ADGRA1: variants seen among roughly 807,000 people sequenced by gnomAD.
ADGRA1 encodes G-protein coupled receptor 123.
ADGRA1 carries 12 observed loss-of-function variants against 21.3 expected under a neutral mutation model. The observed-to-expected ratio is 0.56, with a 90% CI of 0.36 to 0.91. The LOEUF is 0.91. Among genes scored for constraint, ADGRA1 ranks in the 40% least tolerant of loss-of-function variants. ADGRA1 has a pLI of 0.01. For missense variants in ADGRA1, 790 were observed against 805.6 expected (o/e 0.98, Z 0.23); for synonymous variants, 385 against 368.8 (o/e 1.04, Z -0.50).
intron 5 of ADGRA1, among the ~76,000 whole-genome samples, chr10:133,112,373 T>TGTCGGTTATTTGGGGTCTACGGGTAC (rs1564850022): frequency 9.1e-5 from 11 of 121,296 alleles, no homozygotes; most frequent in African/African-American, 3.3e-4. Context: ...CTGCGGGCCG[T>TGTCGGTTATTTGGGGTCTACGGGTAC]GTCGGTTATT....
intron 5 of ADGRA1, among the ~76,000 whole-genome samples, chr10:133,113,051 T>G (rs1379670068): frequency 1.4e-5 from 2 of 138,360 alleles, no homozygotes; most frequent in Non-Finnish European, 3.2e-5. Flanking sequence ...TTGGGGTCTA[T>G]AAGCTGTGTC....
intron 5 of ADGRA1, among the ~76,000 whole-genome samples, chr10:133,123,319 G>A (rs924005316): frequency 6.6e-6 from 1 of 152,214 alleles, no homozygotes; most frequent in Non-Finnish European, 1.5e-5. Context: ...TCACTGACGG[G>A]CAGGAGCCTG....
At chr10:133,090,197 C>T (rs777893038) in intron 2 of ADGRA1, among the ~76,000 whole-genome samples, 2 of 152,248 alleles carry the variant, frequency 1.3e-5, no homozygotes, top group East Asian at 1.9e-4. Flanking sequence ...GGCCCTTCTG[C>T]GAACAACTGT....
chr10:133,129,213 G>T lies in ADGRA1; in HGVS notation c.1385G>T (p.Gly462Val). 6.5e-7 allele frequency: 1 copy of T among 1,549,920 alleles called. No homozygotes were observed. The change falls in exon 7 of 7, where the codon GGC (glycine) becomes GTC (valine). Residue 462 changes from glycine to valine, a missense_variant. Physicochemically the swap from Gly to Val is moderately radical, Grantham distance 109. Around this residue, in one of 3 missense-constraint regions of ADGRA1, gnomAD observed 391 missense variants for 351.5 expected, o/e 1.11. Coordinates refer to ENST00000392607, the MANE Select transcript of ADGRA1 (RefSeq NM_001083909.3). ...GACAGCCCCCCCAGCTCTCTGGATG[G>T]CCCGGCGGGGACACACACGCTGGCC... ...RTDSPPSSLD[G>V]PAGTHTLACC...
intron 5 of ADGRA1, among the ~76,000 whole-genome samples, chr10:133,109,112 C>T (rs1851943153): frequency 6.6e-6 from 1 of 151,942 alleles, no homozygotes; most frequent in Admixed American, 6.6e-5. Context: ...TCCATGGAAC[C>T]AGCTCCACCC....
intron 5 of ADGRA1, among the ~76,000 whole-genome samples, chr10:133,113,504 C>CTT (rs1257733348): frequency 6.6e-6 from 1 of 152,222 alleles, no homozygotes; most frequent in African/African-American, 2.4e-5. Context: ...CTGCCTTGGG[C>CTT]TTGGGACCTG....
Position 133,129,391 on chromosome 10 carries a change from C to T in ADGRA1, c.1563C>T (p.Pro521=). The change falls in exon 7 of 7, where the codon CCC becomes CCT. Residue 521 remains proline, a synonymous_variant. Coordinates refer to ENST00000392607, the MANE Select transcript of ADGRA1 (RefSeq NM_001083909.3). ...LEMLRRTQSL[P]FGGPSQNGLP... is the part of the protein sequence containing the mutation. ...TGCTGCGGAGGACACAGTCCCTGCC[C>T]TTTGGTGGCCCCAGCCAGAACGGGC... 1 of 1,605,786 alleles carries T rather than the reference C, an allele frequency of 6.2e-7. No individual in the cohort carries two copies. The highest frequency in any genetic ancestry group is 8.5e-7 in the Non-Finnish European group (1 of 1,178,702).
chr10:133,102,167 TG>T, intron 4 of ADGRA1: 1 of 452,026 alleles, frequency 2.2e-6, no homozygotes, highest in South Asian at 1.6e-5. Context: ...GCCGGCCCCG[TG>T]GGGGGCTCAT....
intron 5 of ADGRA1, among the ~76,000 whole-genome samples, chr10:133,103,748 G>T (rs180916938): frequency 6.6e-6 from 1 of 152,204 alleles, no homozygotes; most frequent in African/African-American, 2.4e-5. Flanking sequence ...GTCTGGCCGC[G>T]GCCGTGACCA....
chr10:133,114,950 C>T (rs1852129159), intron 5 of ADGRA1, among the ~76,000 whole-genome samples: 1 of 152,224 alleles, frequency 6.6e-6, no homozygotes, highest in Non-Finnish European at 1.5e-5. Flanking sequence ...ACCTGGAATC[C>T]ACCGTCTTTC....
At position 133,129,186 on chromosome 10, in the gene ADGRA1, C is replaced by G; in HGVS notation, c.1358C>G (p.Thr453Arg). ...SLDGSPRSSRTDSPPSSLDGP... is the reference protein window; with the variant it reads ...SLDGSPRSSRRDSPPSSLDGP... The stretch of plus-strand genomic sequence containing the variant: ...GATGGCAGCCCCCGCAGCTCGCGCA[C>G]AGACAGCCCCCCCAGCTCTCTGGAT... The change falls in exon 7 of 7, where the codon ACA (threonine) becomes AGA (arginine). Residue 453 changes from threonine to arginine, a missense_variant. Physicochemically the swap from Thr to Arg is moderately conservative, Grantham distance 71. Around this residue, in one of 3 missense-constraint regions of ADGRA1, gnomAD observed 391 missense variants for 351.5 expected, o/e 1.11. Transcript: ENST00000392607. 6.4e-7 allele frequency: 1 copy of G among 1,550,656 alleles called. No individual in the cohort carries two copies. The highest frequency in any genetic ancestry group is 8.7e-7 in the Non-Finnish European group (1 of 1,147,122).
At position 133,128,700 on chromosome 10, in the gene ADGRA1, A is replaced by T; in HGVS notation, c.872A>T (p.Tyr291Phe). Reference sequence around the variant, plus strand: ...CTGGACATGGTCTTCAGCTGCCTGTACGGCGCCTTCTGCGTGACCCTGGGA... The same window carrying T: ...CTGGACATGGTCTTCAGCTGCCTGTTCGGCGCCTTCTGCGTGACCCTGGGA... The part of the protein sequence containing the change: ...HFLDMVFSCL[Y>F]GAFCVTLGLF... The change falls in exon 7 of 7, where the codon TAC (tyrosine) becomes TTC (phenylalanine). Residue 291 changes from tyrosine to phenylalanine, a missense_variant. Coordinates refer to ENST00000392607, the MANE Select transcript of ADGRA1 (RefSeq NM_001083909.3). The T allele has an allele frequency of 2.5e-6, 4 of 1,612,020 alleles. No individual in the cohort carries two copies. The East Asian group carries it at 8.9e-5, about 36-fold the overall frequency.
At chr10:133,098,327 G>A (rs1315524183) in intron 3 of ADGRA1, among the ~76,000 whole-genome samples, 1 of 152,206 alleles carries the variant, frequency 6.6e-6, no homozygotes, top group Non-Finnish European at 1.5e-5. Flanking sequence ...GAGACAGTGT[G>A]TGGCCAAGTC....
At chr10:133,125,295 C>CATTTTACTGTTTGTTTT (rs1446206317) in intron 5 of ADGRA1, among the ~76,000 whole-genome samples, 1 of 152,204 alleles carries the variant, frequency 6.6e-6, no homozygotes, top group Non-Finnish European at 1.5e-5. Context: ...ATTTAGTCTA[C>CATTTTACTGTTTGTTTT]ATTTTACTGT....
At chr10:133,104,151 A>G (rs1329505050) in intron 5 of ADGRA1, among the ~76,000 whole-genome samples, 1 of 152,180 alleles carries the variant, frequency 6.6e-6, no homozygotes, top group Non-Finnish European at 1.5e-5. Flanking sequence ...GTTCCAGCAA[A>G]CAGCACTCAT....
In ADGRA1 at chr10:133,131,300, G is replaced by C. The variant is rs1852521861; in HGVS notation, c.*1789G>C. The C allele has an allele frequency of 6.6e-6, 1 of 152,316 alleles. No homozygotes were observed. The highest frequency in any genetic ancestry group is 1.5e-5 in the Non-Finnish European group (1 of 68,108). 9.4% of individuals were successfully genotyped at this position (152,316 alleles called of 1,614,324 possible). Reference sequence around the variant, plus strand: ...CAGACGGGCCGTCGGAGGACCACCAGGTGGCTCTGCCTCTGCCTCACCTTC... The same window carrying C: ...CAGACGGGCCGTCGGAGGACCACCACGTGGCTCTGCCTCTGCCTCACCTTC... On this transcript the variant is annotated 3_prime_UTR_variant, in exon 7 of 7. Coordinates refer to ENST00000392607, the MANE Select transcript of ADGRA1 (RefSeq NM_001083909.3).
intron 5 of ADGRA1, among the ~76,000 whole-genome samples, chr10:133,120,445 C>T (rs1156934750): frequency 6.6e-6 from 1 of 152,224 alleles, no homozygotes; most frequent in Admixed American, 6.5e-5. Flanking sequence ...TGCAGCCTCC[C>T]TCATCGCTAT....
At position 133,129,327 on chromosome 10, in the gene ADGRA1, C is replaced by G; in HGVS notation, c.1499C>G (p.Pro500Arg). 6.4e-7 allele frequency: 1 copy of G among 1,566,758 alleles called. No individual in the cohort carries two copies. Among genetic ancestry groups the G allele is most frequent in the Non-Finnish European group, 8.6e-7 (1 of 1,157,338 alleles). The change falls in exon 7 of 7, where the codon CCG (proline) becomes CGG (arginine). Residue 500 changes from proline (P) to arginine (R), a missense_variant. Transcript: ENST00000392607. ...GCCCTCTACAGCTGCCCCACGCAGC[C>G]GGGCAGGGAGGCAGCGCTCGGGCCC... ...SPALYSCPTQ[P>R]GREAALGPGH... is the part of the protein sequence containing the mutation.
intron 5 of ADGRA1, among the ~76,000 whole-genome samples, chr10:133,104,330 T>C (rs7070794): frequency 0.13 from 19,620 of 152,178 alleles, 1,565 homozygotes; most frequent in Non-Finnish European, 0.17. Flanking sequence ...CCTGGGTGTA[T>C]AAATCACTCT....
Sources: gnomAD v4.1 joint callset for allele counts (sites outside exome capture counted in the v4.1 genomes callset) on GRCh38, gnomAD v4.1.1 for gene constraint, gnomAD v4.1.1 regional missense constraint, MANE v1.5 for transcripts, NCBI Gene and HGNC (gene_info 2026-07-23, HGNC 2026-07-21) for gene names.